CGGBP1: variants seen among roughly 807,000 people sequenced by gnomAD.
The protein encoded by CGGBP1 is CGG triplet repeat-binding protein 1.
A neutral mutation model predicts 11.4 loss-of-function variants in CGGBP1; 4 were observed. That is an observed-to-expected ratio of 0.35 (90% CI 0.17 to 0.80). CGGBP1 has a LOEUF of 0.80. Ranked by LOEUF, CGGBP1 falls within the 30% of genes least tolerant of loss-of-function variation. The pLI is 0.52. For synonymous variants in CGGBP1, 76 were observed against 74.1 expected (o/e 1.03, Z -0.13); for missense variants, 135 against 202.1 (o/e 0.67, Z 2.01).
chr3:88,097,715 C>G (rs764054228), intron 2 of CGGBP1, among the ~76,000 whole-genome samples: 1 of 152,136 alleles, frequency 6.6e-6, no homozygotes, highest in Non-Finnish European at 1.5e-5. Context: ...AACTGAACAA[C>G]CGGCTCCTGA....
chr3:88,065,249 C>T (rs4425287), intron 2 of CGGBP1, among the ~76,000 whole-genome samples: 143,227 of 152,248 alleles, frequency 0.94, 67,888 homozygotes, highest in Non-Finnish European at 1. Flanking sequence ...TAGATGTTGA[C>T]GGCTGTATTT....
At chr3:88,083,510 C>A (rs1199607857) in intron 2 of CGGBP1, among the ~76,000 whole-genome samples, 1 of 152,164 alleles carries the variant, frequency 6.6e-6, no homozygotes, top group Non-Finnish European at 1.5e-5. Flanking sequence ...CCCTTTATAT[C>A]ATAGCGTGCT....
intron 2 of CGGBP1, among the ~76,000 whole-genome samples, chr3:88,076,922 C>A (rs9310068): frequency 0.78 from 119,113 of 152,030 alleles, 47,581 homozygotes; most frequent in South Asian, 0.91. Context: ...GTGCAAGTAG[C>A]TAACTCAAGA....
chr3:88,060,173 A>AT (rs1433968563), upstream of CGGBP1, among the ~76,000 whole-genome samples: 2 of 152,092 alleles, frequency 1.3e-5, no homozygotes, highest in East Asian at 3.9e-4. Flanking sequence ...TTAACTGCTC[A>AT]TAATGAAAGT....
intron 2 of CGGBP1, among the ~76,000 whole-genome samples, chr3:88,084,594 G>T (rs1006084708): frequency 2.0e-5 from 3 of 152,142 alleles, no homozygotes; most frequent in African/African-American, 7.2e-5. Flanking sequence ...TTATCTGTAT[G>T]TGTTCCCAGA....
At chr3:88,100,509 A>G (rs1704348630) in intron 2 of CGGBP1, among the ~76,000 whole-genome samples, 1 of 152,238 alleles carries the variant, frequency 6.6e-6, no homozygotes, top group Non-Finnish European at 1.5e-5. Context: ...TGCTGCGCAC[A>G]TGTATGTTTA....
At chr3:88,104,161 G>A (rs936038014) in intron 2 of CGGBP1, among the ~76,000 whole-genome samples, 37 of 152,170 alleles carry the variant, frequency 2.4e-4, no homozygotes, top group African/African-American at 8.9e-4. Context: ...ACAGAAAAAT[G>A]TTAAAGGGAG....
upstream of CGGBP1, chr3:88,059,136 G>A (rs1031013285): frequency 4.4e-5 from 51 of 1,159,670 alleles, no homozygotes; most frequent in South Asian, 2.4e-4. Context: ...GGCAGCTTGC[G>A]TCTTCCAATA....
rs2107556036 is a variant in CGGBP1 at position 88,054,061 on chromosome 3, T to C, written c.*1412A>G. On this transcript the variant is annotated 3_prime_UTR_variant, in exon 4 of 4. Transcript: ENST00000482016. ...TACTGAAAAATACACAATCTAACTT[T>C]TTTTCACTTTGGCTTTTTCTTTTAT... 1 of 152,724 alleles carries C rather than the reference T, an allele frequency of 6.5e-6. No homozygotes were observed. The highest frequency in any genetic ancestry group is 2.1e-4 in the South Asian group (1 of 4,822). The allele number at this position is 152,724 out of a possible 1,614,324, so 9.5% of individuals were successfully genotyped here.
chr3:88,063,166 G>C (rs545804161), upstream of CGGBP1, among the ~76,000 whole-genome samples: 10 of 152,278 alleles, frequency 6.6e-5, no homozygotes, highest in Non-Finnish European at 1.2e-4. Context: ...ATGGAGGCTA[G>C]AGATGCTACT....
chr3:88,059,232 G>A (rs1447718509), upstream of CGGBP1: 2 of 1,515,866 alleles, frequency 1.3e-6, no homozygotes, highest in Non-Finnish European at 1.8e-6. Context: ...AAGGGGGAGG[G>A]AACTAGAGAG....
upstream of CGGBP1, among the ~76,000 whole-genome samples, chr3:88,063,313 G>A (rs987289121): frequency 1.3e-5 from 2 of 152,098 alleles, no homozygotes; most frequent in African/African-American, 4.8e-5. Context: ...GCGTAATGCC[G>A]ATATAAATGG....
intron 2 of CGGBP1, among the ~76,000 whole-genome samples, chr3:88,096,661 A>G (rs1157169895): frequency 1.3e-5 from 2 of 152,142 alleles, no homozygotes; most frequent in Admixed American, 1.3e-4. Flanking sequence ...GGTTCCATGT[A>G]TATAATGTAC....
At position 88,067,357 on chromosome 3, in the gene CGGBP1, C is replaced by G. The variant is rs150794514; in HGVS notation, c.-228-9134G>C. Among the ~76,000 whole-genome samples, 1,088 of 152,298 alleles carry G rather than the reference C, an allele frequency of 7.1e-3. 13 individuals carry two copies. The highest frequency in any genetic ancestry group is 0.024 in the African/African-American group (1,000 of 41,556). ...GCTTTTGCCTCATCCAAGGAGAGATCTTAGAGATAGCTGGACTTAACAGAA... is the reference window on the plus strand; with the variant it reads ...GCTTTTGCCTCATCCAAGGAGAGATGTTAGAGATAGCTGGACTTAACAGAA... On this transcript the variant is annotated intron_variant, in intron 2 of 3. Coordinates refer to the CGGBP1 transcript ENST00000462901.
In CGGBP1 at chr3:88,052,584, A is replaced by C. The variant is rs1385458982; in HGVS notation, c.*2889T>G. Reference sequence around the variant, plus strand: ...AGATCTTGCCAACTGTACTTACAACAGTTTTAAAGCAATTGATACTTTCAG... The same window carrying C: ...AGATCTTGCCAACTGTACTTACAACCGTTTTAAAGCAATTGATACTTTCAG... On this transcript the variant is annotated 3_prime_UTR_variant, in exon 4 of 4. Coordinates refer to ENST00000482016, the MANE Select transcript of CGGBP1 (RefSeq NM_001008390.2). 6.6e-6 allele frequency: 1 copy of C among 152,618 alleles called. No individual in the cohort carries two copies. The highest frequency in any genetic ancestry group is 1.5e-5 in the Non-Finnish European group (1 of 68,010). The allele number at this position is 152,618 out of a possible 1,614,324, so 9.5% of individuals were successfully genotyped here.
intron 2 of CGGBP1, among the ~76,000 whole-genome samples, chr3:88,088,376 G>A (rs1708445255): frequency 6.6e-6 from 1 of 152,122 alleles, no homozygotes; most frequent in African/African-American, 2.4e-5. Context: ...AAGTGTTAAT[G>A]TTGAAAATAA....
intron 2 of CGGBP1, among the ~76,000 whole-genome samples, chr3:88,110,360 C>T (rs1368695284): frequency 1.3e-5 from 2 of 152,028 alleles, no homozygotes; most frequent in Non-Finnish European, 2.9e-5. Flanking sequence ...GTCAACTCTA[C>T]CACTGTGGTA....
rs57262782 is a variant in CGGBP1, at chr3:88,095,075, T to G, written c.-228-36852A>C. Among the ~76,000 whole-genome samples, 1,277 of 152,250 alleles carry G rather than the reference T, an allele frequency of 8.4e-3. 13 individuals carry two copies. Among genetic ancestry groups the G allele is most frequent in the African/African-American group, 0.028 (1,145 of 41,564 alleles). On this transcript the variant is annotated intron_variant, in intron 2 of 3. Coordinates refer to the CGGBP1 transcript ENST00000462901. ...AAATATTTAAGCAAATCATATATTT[T>G]TAGTAATTTATTGGTTGAAGCTTAT...
rs1704388012 is a variant in CGGBP1, at chr3:88,100,980, C to T, written c.-229+39990G>A. 4.6e-5 allele frequency among the ~76,000 whole-genome samples: 7 copies of T among 152,036 alleles called. No individual in the cohort carries two copies. The South Asian group carries it at 1.4e-3, about 31-fold the overall frequency. On this transcript the variant is annotated intron_variant, in intron 2 of 3. Coordinates refer to the CGGBP1 transcript ENST00000462901. ...ATAATAAAAGAAAACTTTATTATGA[C>T]AATTTTCAAGTATACTTGAAAGTAA...
Sources: gnomAD v4.1 joint callset for allele counts (sites outside exome capture counted in the v4.1 genomes callset) on GRCh38, gnomAD v4.1.1 for gene constraint, MANE v1.5 for transcripts, NCBI Gene and HGNC (gene_info 2026-07-23, HGNC 2026-07-21) for gene names.